The following SMKR1 variants were observed in gnomAD, a reference collection of about 807,000 sequenced individuals.
The protein encoded by SMKR1 is small lysine rich protein 1.
A neutral mutation model predicts 4.0 loss-of-function variants in SMKR1; 4 were observed. That is an observed-to-expected ratio of 1.00 (90% CI 0.49 to 2.30). The LOEUF (loss-of-function observed/expected upper bound fraction) is 2.30, where lower values mean the gene tolerates loss of function less well. Ranked by LOEUF, SMKR1 falls within the 30% of genes most tolerant of loss-of-function variation. The probability of loss-of-function intolerance (pLI) is 0.02; values close to 1 mark genes in which losing one functional copy is unlikely to be tolerated. For missense variants in SMKR1, 56 were observed against 81.8 expected (o/e 0.68, Z 1.22); for synonymous variants, 38 against 32.5 (o/e 1.17, Z -0.58).
intron 1 of SMKR1, among the ~76,000 whole-genome samples, chr7:129,510,823 G>T (rs541025114): frequency 6.6e-6 from 1 of 152,088 alleles, no homozygotes; most frequent in African/African-American, 2.4e-5. Context: ...CGGGGAGGCG[G>T]GGGGAGGCAG....
chr7:129,504,024 C>G (rs745762668), intron 1 of SMKR1, among the ~76,000 whole-genome samples: 1 of 151,966 alleles, frequency 6.6e-6, no homozygotes, highest in African/African-American at 2.4e-5. Context: ...GACAGGGTTT[C>G]GCCATGTTGC....
rs34092113 is a variant in SMKR1 at position 129,504,556 on chromosome 7, G to GT, written c.3+1742dup. Among the ~76,000 whole-genome samples the GT allele has an allele frequency of 6.6e-4, 99 of 150,452 alleles. No homozygotes were observed. In the Middle Eastern group the frequency reaches 0.024, roughly 37 times the overall value. On this transcript the variant is annotated intron_variant, in intron 1 of 1. Transcript: ENST00000462322. ...TTTCTTTATTAATTTCTTTGTTTTT[G>GT]TTTTTTTTTTTTTAGAGATAGGGTT... is the stretch of plus-strand genomic sequence containing the variant.
intron 1 of SMKR1, among the ~76,000 whole-genome samples, chr7:129,504,667 C>T (rs891279440): frequency 6.6e-6 from 1 of 152,162 alleles, no homozygotes; most frequent in African/African-American, 2.4e-5. Flanking sequence ...GGTCCTCCCA[C>T]CTCAGCAGCC....
chr7:129,502,655 C>A lies in SMKR1; in HGVS notation c.-170C>A. 2 of 958,958 alleles carry A rather than the reference C, an allele frequency of 2.1e-6. No homozygotes were observed. Among genetic ancestry groups the A allele is most frequent in the Non-Finnish European group, 2.9e-6 (2 of 679,874 alleles). The allele number at this position is 958,958 out of a possible 1,614,324, so 59.4% of individuals were successfully genotyped here. A position where few individuals can be genotyped will look rare whatever the true frequency, so the allele number is the denominator to read the frequency against. On this transcript the variant is annotated 5_prime_UTR_variant, in exon 1 of 2. Transcript: ENST00000462322. Reference sequence around the variant, plus strand: ...GCCGGCCGCGCTCCTCCCAGCGAGGCGTGGCGGGGAGGCGTAGTGAGGCTG... The same window carrying A: ...GCCGGCCGCGCTCCTCCCAGCGAGGAGTGGCGGGGAGGCGTAGTGAGGCTG...
At chr7:129,504,857 G>T (rs1799449129) in intron 1 of SMKR1, among the ~76,000 whole-genome samples, 1 of 152,168 alleles carries the variant, frequency 6.6e-6, no homozygotes, top group Non-Finnish European at 1.5e-5. Context: ...GGCCAATAGG[G>T]CCCTTTCTTC....
At chr7:129,512,164 T>A (rs113612637) in intron 1 of SMKR1, 83 bp from the exon 2 acceptor site, 28,065 of 1,309,602 alleles carry the variant, frequency 0.021, 1,776 homozygotes, top group East Asian at 0.15. Context: ...AGCCTGGGTG[T>A]TGGGAGTGAA....
At chr7:129,511,758 AG>A (rs1799528979) in intron 1 of SMKR1, among the ~76,000 whole-genome samples, 1 of 152,176 alleles carries the variant, frequency 6.6e-6, no homozygotes, top group Non-Finnish European at 1.5e-5. Context: ...CGTTTGCCAA[AG>A]GGGGTTTGTC....
At chr7:129,511,481 C>T (rs1799526159) in intron 1 of SMKR1, among the ~76,000 whole-genome samples, 1 of 152,188 alleles carries the variant, frequency 6.6e-6, no homozygotes, top group Admixed American at 6.5e-5. Context: ...CTGTGATTTG[C>T]TGCCATTGTC....
At chr7:129,509,656 T>C (rs1450166629) in intron 1 of SMKR1, among the ~76,000 whole-genome samples, 1 of 152,232 alleles carries the variant, frequency 6.6e-6, no homozygotes, top group East Asian at 1.9e-4. Context: ...TTTTCCTGCC[T>C]CAGCCTCCTA....
At chr7:129,506,904 G>A (rs1799472286) in intron 1 of SMKR1, among the ~76,000 whole-genome samples, 1 of 139,844 alleles carries the variant, frequency 7.2e-6, no homozygotes, top group Non-Finnish European at 1.5e-5. Flanking sequence ...TTCTCACCCA[G>A]GCTGGAATGC....
intron 1 of SMKR1, among the ~76,000 whole-genome samples, chr7:129,509,517 C>T (rs1211293405): frequency 2.0e-5 from 3 of 151,900 alleles, no homozygotes; most frequent in Admixed American, 6.6e-5. Context: ...GGAATGTACT[C>T]TATTTCACCT....
intron 1 of SMKR1, among the ~76,000 whole-genome samples, chr7:129,503,921 A>G (rs1799438427): frequency 6.9e-6 from 1 of 144,280 alleles, no homozygotes; most frequent in African/African-American, 2.6e-5. Flanking sequence ...TCCATCTCTG[A>G]GGCTCAAGTG....
intron 1 of SMKR1, among the ~76,000 whole-genome samples, chr7:129,511,691 C>G (rs1341453562): frequency 6.6e-6 from 1 of 152,104 alleles, no homozygotes; most frequent in East Asian, 1.9e-4. Flanking sequence ...TATTATAATT[C>G]TGGGTCAGAA....
At position 129,512,675 on chromosome 7, in the gene SMKR1, A is replaced by G. The variant is rs997516761; in HGVS notation, c.*234A>G. The G allele has an allele frequency of 2.1e-6, 1 of 470,592 alleles. No homozygotes were observed. The highest frequency in any genetic ancestry group is 3.6e-5 in the South Asian group (1 of 27,932). 29.2% of individuals were successfully genotyped at this position (470,592 alleles called of 1,614,324 possible). On this transcript the variant is annotated 3_prime_UTR_variant, in exon 2 of 2. Transcript: ENST00000462322. ...GCTATAGGATGGGAAAAGCCTGAGT[A>G]ATTCCTACACAGTGTGCTGAAATTA...
In SMKR1 at chr7:129,512,351, C is replaced by T. The variant is rs1196749534; in HGVS notation, c.108C>T (p.Tyr36=). ...ILSPAAMLNL[Y]YIAHNVADCL... ...GCCCCGCGGCCATGCTGAACCTCTACTACATCGCCCACAACGTCGCTGACT... is the reference window on the plus strand; with the variant it reads ...GCCCCGCGGCCATGCTGAACCTCTATTACATCGCCCACAACGTCGCTGACT... Residue 36 remains tyrosine, a synonymous_variant, in exon 2 of 2, where the codon TAC becomes TAT. Coordinates refer to ENST00000462322, the MANE Select transcript of SMKR1 (RefSeq NM_001195243.2). 1 of 1,536,128 alleles carries T rather than the reference C, an allele frequency of 6.5e-7. No homozygotes were observed. The highest frequency in any genetic ancestry group is 2.4e-5 in the East Asian group (1 of 40,916).
At position 129,512,367 on chromosome 7, in the gene SMKR1, G is replaced by A. The variant is rs754735929; in HGVS notation, c.124G>A (p.Val42Ile). The A allele has an allele frequency of 3.0e-4, 466 of 1,535,914 alleles. No individual in the cohort carries two copies. The highest frequency in any genetic ancestry group is 3.9e-4 in the Non-Finnish European group (452 of 1,146,890). ...MLNLYYIAHNVADCLHLRGFH... is the reference protein window; with the variant it reads ...MLNLYYIAHNIADCLHLRGFH... ...GAACCTCTACTACATCGCCCACAAC[G>A]TCGCTGACTGCCTGCATCTGCGAGG... Residue 42 changes from valine to isoleucine, a missense_variant, in exon 2 of 2, where the codon GTC becomes ATC. Transcript: ENST00000462322.
chr7:129,510,026 A>G, intron 1 of SMKR1, among the ~76,000 whole-genome samples: 1 of 152,148 alleles, frequency 6.6e-6, no homozygotes, highest in Non-Finnish European at 1.5e-5. Context: ...ATATACTTCC[A>G]TTGGTTATTT....
In SMKR1 at chr7:129,502,647, C is replaced by T; in HGVS notation, c.-178C>T. 10 of 920,554 alleles carry T rather than the reference C, an allele frequency of 1.1e-5. No individual in the cohort carries two copies. Among genetic ancestry groups the T allele is most frequent in the Non-Finnish European group, 1.5e-5 (10 of 647,416 alleles). The allele number at this position is 920,554 out of a possible 1,614,324, so 57.0% of individuals were successfully genotyped here. ...CCTCCCGAGCCGGCCGCGCTCCTCC[C>T]AGCGAGGCGTGGCGGGGAGGCGTAG... is the stretch of plus-strand genomic sequence containing the variant. On this transcript the variant is annotated 5_prime_UTR_variant, in exon 1 of 2. Coordinates refer to ENST00000462322, the MANE Select transcript of SMKR1 (RefSeq NM_001195243.2).
intron 1 of SMKR1, among the ~76,000 whole-genome samples, chr7:129,506,638 A>G (rs568521355): frequency 6.8e-6 from 1 of 147,250 alleles, no homozygotes; most frequent in East Asian, 2.0e-4. Context: ...CTCTCTCTAG[A>G]TTAGTTTATC....
Sources: gnomAD v4.1 joint callset for allele counts (sites outside exome capture counted in the v4.1 genomes callset) on GRCh38, gnomAD v4.1.1 for gene constraint, MANE v1.5 for transcripts, NCBI Gene and HGNC (gene_info 2026-07-23, HGNC 2026-07-21) for gene names.